Variants in INPP4B observed in about 807,000 individuals in gnomAD.
INPP4B encodes the protein inositol polyphosphate-4-phosphatase type II B, also known as inositol polyphosphate 4-phosphatase type II.
INPP4B carries 55 observed loss-of-function variants against 122.5 expected under a neutral mutation model. The ratio of observed to expected loss-of-function variants is 0.45; its 90% CI spans 0.36 to 0.56. The LOEUF is 0.56. INPP4B is among the 20% of genes least tolerant of loss of function. INPP4B has a pLI of 0.00. For synonymous variants in INPP4B, 403 were observed against 388.7 expected (o/e 1.04, Z -0.43); for missense variants, 1,000 against 1,097.7 (o/e 0.91, Z 1.26).
chr4:142,148,599 C>G (rs1021209721), intron 17 of INPP4B, among the ~76,000 whole-genome samples: 2 of 152,170 alleles, frequency 1.3e-5, no homozygotes, highest in Non-Finnish European at 2.9e-5. Flanking sequence ...AACAACTTCT[C>G]TTAATCACAT....
At chr4:142,795,281 A>G (rs1197396264) in intron 1 of INPP4B, 1 of 151,988 alleles carries the variant, frequency 6.6e-6, no homozygotes, top group Non-Finnish European at 1.5e-5. Context: ...AAGCAAGGAA[A>G]CTGTAGCCAC....
intron 2 of INPP4B, among the ~76,000 whole-genome samples, chr4:142,524,776 A>G (rs1357360819): frequency 0.032 from 2,844 of 89,418 alleles, no homozygotes; most frequent in South Asian, 0.041. Flanking sequence ...CCCACAGCCA[A>G]TATCATACTG....
At chr4:142,699,803 C>G (rs537383451) in intron 2 of INPP4B, among the ~76,000 whole-genome samples, 1 of 152,152 alleles carries the variant, frequency 6.6e-6, no homozygotes. Context: ...CTCATCTGCA[C>G]TTGTATATCT....
intron 2 of INPP4B, among the ~76,000 whole-genome samples, chr4:142,504,055 T>G (rs1387608186): frequency 1.3e-5 from 2 of 152,024 alleles, no homozygotes; most frequent in Non-Finnish European, 2.9e-5. Flanking sequence ...AACTTATACA[T>G]CTATTTGATT....
intron 23 of INPP4B, among the ~76,000 whole-genome samples, chr4:142,098,091 G>A (rs761209688): frequency 9.9e-5 from 15 of 152,126 alleles, no homozygotes; most frequent in African/African-American, 3.4e-4. Flanking sequence ...TACTGAGAAA[G>A]TGACATTTAG....
chr4:142,587,604 A>C (rs934630716), intron 2 of INPP4B, among the ~76,000 whole-genome samples: 1 of 152,150 alleles, frequency 6.6e-6, no homozygotes, highest in Non-Finnish European at 1.5e-5. Context: ...ATTTTGATAC[A>C]TGCATGCAAT....
chr4:142,360,475 C>T (rs1350065166), intron 7 of INPP4B, among the ~76,000 whole-genome samples: 1 of 151,986 alleles, frequency 6.6e-6, no homozygotes, highest in African/African-American at 2.4e-5. Flanking sequence ...CTGGGAAATT[C>T]ATAGGTTACC....
intron 11 of INPP4B, among the ~76,000 whole-genome samples, chr4:142,243,194 C>A (rs540995996): frequency 1.3e-5 from 2 of 152,134 alleles, no homozygotes; most frequent in South Asian, 4.2e-4. Context: ...AAAATGTAAA[C>A]TTTTTGACTA....
At chr4:142,752,221 A>G (rs1298255389) in intron 1 of INPP4B, among the ~76,000 whole-genome samples, 1 of 152,060 alleles carries the variant, frequency 6.6e-6, no homozygotes, top group African/African-American at 2.4e-5. Context: ...GAAAAAGAAA[A>G]TTAAGTTGTT....
At position 142,028,622 on chromosome 4, in the gene INPP4B, T is replaced by C; in HGVS notation, c.*160A>G. The C allele has an allele frequency of 3.0e-6, 2 of 662,406 alleles. No individual in the cohort carries two copies. Among genetic ancestry groups the C allele is most frequent in the Admixed American group, 3.2e-5 (1 of 31,570 alleles). 41.0% of individuals were successfully genotyped at this position (662,406 alleles called of 1,614,324 possible). The stretch of plus-strand genomic sequence containing the variant: ...AAAATGGATTTCTTTCAGAGCAATA[T>C]GCTGATGATGAATTGAAGTAGTTCC... On this transcript the variant is annotated 3_prime_UTR_variant, in exon 26 of 26. Coordinates refer to ENST00000262992, the MANE Select transcript of INPP4B (RefSeq NM_001101669.3).
intron 2 of INPP4B, among the ~76,000 whole-genome samples, chr4:142,614,435 A>G (rs1359522910): frequency 6.6e-6 from 1 of 152,170 alleles, no homozygotes; most frequent in Non-Finnish European, 1.5e-5. Context: ...GAAACTATAA[A>G]ACTCCTGGAA....
chr4:142,631,507 G>A (rs1280427388), intron 2 of INPP4B, among the ~76,000 whole-genome samples: 1 of 151,960 alleles, frequency 6.6e-6, no homozygotes, highest in Non-Finnish European at 1.5e-5. Context: ...AAGGAGAAAA[G>A]GATAATTGCA....
At chr4:142,739,005 TTTG>T (rs1379126246) in intron 1 of INPP4B, among the ~76,000 whole-genome samples, 8 of 152,066 alleles carry the variant, frequency 5.3e-5, no homozygotes, top group Non-Finnish European at 1.2e-4. Flanking sequence ...GAAAGATGAC[TTTG>T]TAGTAATACA....
At chr4:142,057,620 T>C (rs1758379395) in intron 25 of INPP4B, among the ~76,000 whole-genome samples, 1 of 152,128 alleles carries the variant, frequency 6.6e-6, no homozygotes, top group Non-Finnish European at 1.5e-5. Context: ...ATAAAGATTA[T>C]GGATATTCTC....
chr4:142,106,529 T>G (rs2152679161), intron 23 of INPP4B, among the ~76,000 whole-genome samples: 1 of 152,348 alleles, frequency 6.6e-6, no homozygotes, highest in East Asian at 1.9e-4. Flanking sequence ...ATGAAGAGTT[T>G]AAGTTACTTG....
chr4:142,797,066 A>G (rs1401666636), intron 1 of INPP4B, among the ~76,000 whole-genome samples: 2 of 152,012 alleles, frequency 1.3e-5, no homozygotes, highest in Non-Finnish European at 2.9e-5. Flanking sequence ...GATTATATTC[A>G]TCAGTGAAGT....
intron 12 of INPP4B, among the ~76,000 whole-genome samples, chr4:142,225,520 A>G (rs1851154314): frequency 7.1e-6 from 1 of 141,486 alleles, no homozygotes; most frequent in Non-Finnish European, 1.6e-5. Context: ...ACACACAAAT[A>G]TATATATATA....
At chr4:142,115,879 A>G (rs9990925) in intron 21 of INPP4B, among the ~76,000 whole-genome samples, 20,099 of 151,982 alleles carry the variant, frequency 0.13, 1,500 homozygotes, top group East Asian at 0.23. Flanking sequence ...ATTGGATAAA[A>G]AGTCAAGACC....
intron 1 of INPP4B, among the ~76,000 whole-genome samples, chr4:142,739,356 C>T (rs1013942581): frequency 6.6e-6 from 1 of 151,818 alleles, no homozygotes; most frequent in African/African-American, 2.4e-5. Flanking sequence ...TTTACTTGAG[C>T]ATATGGTATC....
Sources: allele counts gnomAD v4.1 joint callset (sites outside exome capture counted in the v4.1 genomes callset), GRCh38; gene constraint gnomAD v4.1.1; transcripts MANE v1.5; gene names NCBI Gene and HGNC (gene_info 2026-07-23, HGNC 2026-07-21).